Variants in CCDC7 observed in about 807,000 individuals in gnomAD.
CCDC7 encodes the protein coiled-coil domain-containing protein 7.
Under a neutral mutation model 196.9 loss-of-function variants are expected in CCDC7, and 183 were observed. The observed-to-expected ratio is 0.93, with a 90% CI of 0.82 to 1.05. The LOEUF (loss-of-function observed/expected upper bound fraction) is 1.05, where lower values mean the gene tolerates loss of function less well. Ranked by LOEUF, CCDC7 falls within the 50% of genes least tolerant of loss-of-function variation. The pLI, the probability that CCDC7 is intolerant of heterozygous loss-of-function variation, is 0.00. For missense variants in CCDC7, 1,540 were observed against 1,482.2 expected, an observed-to-expected ratio of 1.04 and a Z score of -0.64; for synonymous variants, 525 against 484.6, an observed-to-expected ratio of 1.08 and a Z score of -1.10.
chr10:32,724,376 G>T (rs991577770), intron 25 of CCDC7, among the ~76,000 whole-genome samples: 10 of 152,124 alleles, frequency 6.6e-5, no homozygotes, highest in African/African-American at 2.4e-4. Context: ...GTCAGAGAGA[G>T]AGCTGCCAGT....
intron 20 of CCDC7, among the ~76,000 whole-genome samples, chr10:32,639,445 G>A (rs1330091028): frequency 3.3e-5 from 5 of 151,980 alleles, no homozygotes; most frequent in Non-Finnish European, 7.4e-5. Flanking sequence ...CTTTGTTCTC[G>A]TTGGTTTCAA....
At chr10:32,747,058 A>G (rs941373775) in intron 28 of CCDC7, among the ~76,000 whole-genome samples, 4 of 152,096 alleles carry the variant, frequency 2.6e-5, no homozygotes, top group African/African-American at 2.4e-5. Flanking sequence ...GACCCCCCCA[A>G]CTGAGTGTTG....
chr10:32,547,821 G>T (rs560019629), intron 13 of CCDC7, among the ~76,000 whole-genome samples: 1 of 151,762 alleles, frequency 6.6e-6, no homozygotes, highest in East Asian at 1.9e-4. Flanking sequence ...AAGTTATTGG[G>T]GTCCAGGTGG....
chr10:32,842,375 A>G (rs1196573574), intron 33 of CCDC7, among the ~76,000 whole-genome samples: 1 of 152,152 alleles, frequency 6.6e-6, no homozygotes, highest in Non-Finnish European at 1.5e-5. Flanking sequence ...GGGATATGCA[A>G]ATAAAAACCA....
At chr10:32,563,864 A>G (rs1181492127) in intron 13 of CCDC7, among the ~76,000 whole-genome samples, 4 of 151,926 alleles carry the variant, frequency 2.6e-5, no homozygotes, top group Non-Finnish European at 2.9e-5. Flanking sequence ...TGAACAGGCA[A>G]CCTACAAAAT....
At chr10:32,525,467 G>C (rs2048527930) in intron 11 of CCDC7, among the ~76,000 whole-genome samples, 1 of 152,028 alleles carries the variant, frequency 6.6e-6, no homozygotes, top group Non-Finnish European at 1.5e-5. Context: ...GTATTATCTT[G>C]AATTTGAGTT....
At chr10:32,471,614 TAATGA>T (rs2133913914) in intron 6 of CCDC7, among the ~76,000 whole-genome samples, 1 of 152,318 alleles carries the variant, frequency 6.6e-6, no homozygotes, top group East Asian at 1.9e-4. Context: ...AACTAAGATC[TAATGA>T]AATACTTCAT....
At chr10:32,527,804 G>C (rs905077583) in intron 11 of CCDC7, among the ~76,000 whole-genome samples, 19 of 152,150 alleles carry the variant, frequency 1.2e-4, no homozygotes, top group Non-Finnish European at 7.3e-5. Context: ...TGGTGAAATA[G>C]GATGGTGGGT....
chr10:32,447,370 C>T (rs1354131989), upstream of CCDC7, among the ~76,000 whole-genome samples: 1 of 152,114 alleles, frequency 6.6e-6, no homozygotes, highest in Non-Finnish European at 1.5e-5. Context: ...TTTGGTTTTA[C>T]TTATTGGCTC....
At chr10:32,749,388 C>T (rs113266793) in intron 28 of CCDC7, among the ~76,000 whole-genome samples, 24 of 152,070 alleles carry the variant, frequency 1.6e-4, no homozygotes, top group African/African-American at 5.8e-4. Flanking sequence ...CCATTTGTGT[C>T]AGTCATTTAT....
At chr10:32,605,128 A>T (rs2061437918) in intron 18 of CCDC7, among the ~76,000 whole-genome samples, 2 of 151,998 alleles carry the variant, frequency 1.3e-5, no homozygotes, top group African/African-American at 4.8e-5. Context: ...CCCACTCATT[A>T]CTTCCACTCT....
chr10:32,809,693 A>G (rs2086653076), intron 30 of CCDC7, among the ~76,000 whole-genome samples: 1 of 152,240 alleles, frequency 6.6e-6, no homozygotes, highest in African/African-American at 2.4e-5. Flanking sequence ...ATCTCACACC[A>G]GTTAGAATGG....
At chr10:32,480,234 T>C (rs2039718211) in intron 8 of CCDC7, among the ~76,000 whole-genome samples, 1 of 152,158 alleles carries the variant, frequency 6.6e-6, no homozygotes, top group Admixed American at 6.6e-5. Context: ...TTTACTAACT[T>C]TGGGCTCAGT....
intron 13 of CCDC7, among the ~76,000 whole-genome samples, chr10:32,549,463 G>C (rs1278344125): frequency 6.6e-6 from 1 of 152,000 alleles, no homozygotes; most frequent in Non-Finnish European, 1.5e-5. Context: ...TTTGCTTTTG[G>C]GTTCCTGGTC....
At chr10:32,583,289 T>G in exon 17 of CCDC7, 1 of 1,231,182 alleles carries the variant, frequency 8.1e-7, no homozygotes, top group Non-Finnish European at 1.0e-6. Flanking sequence ...TACCTCCTGT[T>G]CTTACAGAAA....
At chr10:32,511,262 G>GGGA (rs1309174413) in intron 9 of CCDC7, 5 of 480,158 alleles carry the variant, frequency 1.0e-5, no homozygotes, top group Non-Finnish European at 1.7e-5. Context: ...TGTGGGGGGC[G>GGGA]GGGGGGGCGG....
chr10:32,476,341 G>A (rs1346366504), intron 8 of CCDC7, among the ~76,000 whole-genome samples: 1 of 151,716 alleles, frequency 6.6e-6, no homozygotes, highest in African/African-American at 2.4e-5. Context: ...ACAATGTACA[G>A]TTAAAGTTCC....
chr10:32,604,827 A>G (rs935978994), intron 18 of CCDC7, among the ~76,000 whole-genome samples: 25 of 152,032 alleles, frequency 1.6e-4, no homozygotes, highest in African/African-American at 5.6e-4. Flanking sequence ...TTTCTGGTGG[A>G]ATCTTTAGGT....
chr10:32,553,274 T>C (rs967517340), intron 13 of CCDC7, among the ~76,000 whole-genome samples: 1 of 152,070 alleles, frequency 6.6e-6, no homozygotes, highest in East Asian at 1.9e-4. Flanking sequence ...GAATTGTTGA[T>C]TGTTTTTTTC....
Sources: gnomAD v4.1 joint callset for allele counts (sites outside exome capture counted in the v4.1 genomes callset) on GRCh38, gnomAD v4.1.1 for gene constraint, MANE v1.5 for transcripts, NCBI Gene and HGNC (gene_info 2026-07-23, HGNC 2026-07-21) for gene names.